Variants in NRG1 observed in about 807,000 individuals in gnomAD.
NRG1 encodes neuregulin 1.
In NRG1, 18 loss-of-function variants were observed where a neutral mutation model predicts 63.8. That is an observed-to-expected ratio of 0.28 (90% CI 0.19 to 0.42). NRG1 has a LOEUF of 0.42. Among genes scored for constraint, NRG1 ranks in the 10% least tolerant of loss-of-function variants. The pLI is 1.00. For missense variants in NRG1, 762 were observed against 814.7 expected (o/e 0.94, Z 0.79); for synonymous variants, 302 against 301.3 (o/e 1.00, Z -0.02).
intron 1 of NRG1, among the ~76,000 whole-genome samples, chr8:32,430,163 A>G (rs765316603): frequency 5.3e-5 from 8 of 152,146 alleles, no homozygotes; most frequent in Non-Finnish European, 1.2e-4. Flanking sequence ...AGCTTGACTC[A>G]TTCAGTGTCA....
intron 1 of NRG1, among the ~76,000 whole-genome samples, chr8:32,084,218 C>T (rs2131188897): frequency 6.6e-6 from 1 of 152,208 alleles, no homozygotes; most frequent in East Asian, 1.9e-4. Context: ...ATTTTTAGTT[C>T]CATCGTCCTT....
intron 1 of NRG1, among the ~76,000 whole-genome samples, chr8:32,240,773 A>G (rs1848020454): frequency 6.6e-6 from 1 of 152,052 alleles, no homozygotes; most frequent in South Asian, 2.1e-4. Context: ...TCAATCCATA[A>G]TTATTTCAAG....
chr8:31,967,915 T>A (rs897438445), intron 1 of NRG1, among the ~76,000 whole-genome samples: 1 of 152,078 alleles, frequency 6.6e-6, no homozygotes, highest in Non-Finnish European at 1.5e-5. Context: ...CCAGAGAACA[T>A]CTCTATGAAA....
Position 31,891,611 on chromosome 8 carries a change from T to C in NRG1, c.37+252180T>C, listed in dbSNP as rs190069455. On this transcript the variant is annotated intron_variant, in intron 1 of 10. Transcript: ENST00000519301. ...ATAAATTAAACATACAACTACCATA[T>C]GACCCAGCAATTGCATTCCTAGGCT... Among the ~76,000 whole-genome samples the C allele has an allele frequency of 3.1e-3, 475 of 152,288 alleles. 1 individual carries two copies. Among genetic ancestry groups the C allele is most frequent in the African/African-American group, 0.011 (459 of 41,582 alleles).
At chr8:31,809,069 G>T (rs1157361464) in intron 1 of NRG1, among the ~76,000 whole-genome samples, 1 of 151,880 alleles carries the variant, frequency 6.6e-6, no homozygotes, top group African/African-American at 2.4e-5. Flanking sequence ...CTACAGACTT[G>T]TGAAGACATT....
At chr8:31,920,887 GATA>G (rs1833849199) in intron 1 of NRG1, among the ~76,000 whole-genome samples, 4 of 26,898 alleles carry the variant, frequency 1.5e-4, no homozygotes, top group African/African-American at 1.9e-4. Flanking sequence ...TAGATAGGTA[GATA>G]GATAGATAGA....
intron 1 of NRG1, among the ~76,000 whole-genome samples, chr8:32,133,562 ATT>A (rs1331556164): frequency 6.6e-6 from 1 of 152,126 alleles, no homozygotes; most frequent in Admixed American, 6.6e-5. Context: ...AAATATTTTC[ATT>A]CTTTCCTAAA....
intron 7 of NRG1, chr8:32,749,684 T>C: frequency 8.7e-7 from 1 of 1,145,582 alleles, no homozygotes; most frequent in South Asian, 1.4e-5. Flanking sequence ...CCTAACTAAT[T>C]TCCTTTTTCT....
intron 1 of NRG1, among the ~76,000 whole-genome samples, chr8:32,282,237 C>T (rs1228447245): frequency 6.6e-6 from 1 of 152,188 alleles, no homozygotes; most frequent in African/African-American, 2.4e-5. Flanking sequence ...CAGGCGCTTC[C>T]CTGGCTGGAC....
chr8:32,126,969 G>A (rs1834152369), intron 1 of NRG1, among the ~76,000 whole-genome samples: 1 of 151,788 alleles, frequency 6.6e-6, no homozygotes, highest in Non-Finnish European at 1.5e-5. Flanking sequence ...TCTCCTGTTA[G>A]ATCACCAAGA....
chr8:31,958,539 G>A (rs1279761405), intron 1 of NRG1, among the ~76,000 whole-genome samples: 2 of 152,120 alleles, frequency 1.3e-5, no homozygotes, highest in Non-Finnish European at 2.9e-5. Context: ...AAACTTTTGA[G>A]GATCCATCCT....
intron 1 of NRG1, among the ~76,000 whole-genome samples, chr8:32,399,691 G>C (rs1017438158): frequency 6.6e-5 from 10 of 152,292 alleles, no homozygotes; most frequent in South Asian, 2.1e-4. Context: ...GCAACAGAGA[G>C]AGACTTTGTC....
chr8:31,757,569 C>A (rs1365956933), intron 1 of NRG1, among the ~76,000 whole-genome samples: 1 of 151,930 alleles, frequency 6.6e-6, no homozygotes, highest in African/African-American at 2.4e-5. Flanking sequence ...AATGCCACAC[C>A]AAGACTCAAG....
At chr8:31,815,580 C>A (rs1298363725) in intron 1 of NRG1, among the ~76,000 whole-genome samples, 2 of 152,122 alleles carry the variant, frequency 1.3e-5, no homozygotes, top group South Asian at 2.1e-4. Flanking sequence ...CTTTGAGTCC[C>A]TGCTTTCGGT....
chr8:32,584,289 G>A (rs1841229907), intron 1 of NRG1, among the ~76,000 whole-genome samples: 1 of 152,154 alleles, frequency 6.6e-6, no homozygotes, highest in Admixed American at 6.5e-5. Flanking sequence ...GCAAATTCAT[G>A]TCACTGGGAA....
intron 1 of NRG1, among the ~76,000 whole-genome samples, chr8:32,097,618 G>C (rs1175590244): frequency 6.6e-6 from 1 of 152,152 alleles, no homozygotes; most frequent in Non-Finnish European, 1.5e-5. Context: ...CATTGGGTTA[G>C]ATTAGAGGGG....
intron 1 of NRG1, among the ~76,000 whole-genome samples, chr8:31,726,831 C>T (rs1048558804): frequency 6.6e-6 from 1 of 152,004 alleles, no homozygotes; most frequent in Admixed American, 6.6e-5. Flanking sequence ...ATACAGGATG[C>T]CCCAGGGAGT....
intron 1 of NRG1, among the ~76,000 whole-genome samples, chr8:32,232,516 G>T (rs1321688590): frequency 6.6e-6 from 1 of 152,084 alleles, no homozygotes; most frequent in Non-Finnish European, 1.5e-5. Flanking sequence ...GCATAGAGTT[G>T]CTGGGATATT....
At chr8:31,855,359 T>C (rs1441908889) in intron 1 of NRG1, among the ~76,000 whole-genome samples, 1 of 152,192 alleles carries the variant, frequency 6.6e-6, no homozygotes. Context: ...CCCTTTACCA[T>C]TATGTAATGG....
Sources: gnomAD v4.1 joint callset for allele counts (sites outside exome capture counted in the v4.1 genomes callset) on GRCh38, gnomAD v4.1.1 for gene constraint, MANE v1.5 for transcripts, NCBI Gene and HGNC (gene_info 2026-07-23, HGNC 2026-07-21) for gene names.